Variants in HSD17B12 observed in about 807,000 individuals in gnomAD.
HSD17B12 encodes hydroxysteroid 17-beta dehydrogenase 12, also known as very-long-chain 3-oxoacyl-CoA reductase.
HSD17B12 carries 32 observed loss-of-function variants against 39.3 expected under a neutral mutation model. The ratio of observed to expected loss-of-function variants is 0.81; its 90% confidence interval spans 0.61 to 1.09. HSD17B12 has a LOEUF of 1.09. Ranked by LOEUF, HSD17B12 falls within the 50% of genes least tolerant of loss-of-function variation. HSD17B12 has a pLI of 0.00. For synonymous variants in HSD17B12, 150 were observed against 146.7 expected, an observed-to-expected ratio of 1.02 and a Z score of -0.16; for missense variants, 342 against 382.9, an observed-to-expected ratio of 0.89 and a Z score of 0.89.
Position 43,753,970 on chromosome 11 carries a change from A to G in HSD17B12, c.208-76A>G, listed in dbSNP as rs150708570. The G allele has an allele frequency of 1.6e-4, 135 of 863,092 alleles. 1 individual carries two copies. In the East Asian group the frequency reaches 3.5e-3, roughly 22 times the overall value. 53.5% of individuals were successfully genotyped at this position (863,092 alleles called of 1,614,324 possible). A position where few individuals can be genotyped will look rare whatever the true frequency, so the allele number is the denominator to read the frequency against. The stretch of plus-strand genomic sequence containing the variant: ...AACTATCATCTGGACAGGTTTTCTT[A>G]AAATGGGGGTTATAGCTCATTAATG... On this transcript the variant is annotated intron_variant, in intron 2 of 10. Transcript: ENST00000278353.
At chr11:43,714,504 T>C (rs1421139816) in intron 1 of HSD17B12, among the ~76,000 whole-genome samples, 3 of 152,164 alleles carry the variant, frequency 2.0e-5, no homozygotes, top group East Asian at 1.9e-4. Context: ...GGTACCAGTA[T>C]CATGCTGTTT....
chr11:43,725,252 A>T (rs1478046221), intron 1 of HSD17B12, among the ~76,000 whole-genome samples: 1 of 152,216 alleles, frequency 6.6e-6, no homozygotes. Context: ...TCTGAGCCTC[A>T]GTTTCTTCAT....
chr11:43,714,301 T>A (rs1238141724), intron 1 of HSD17B12, among the ~76,000 whole-genome samples: 1 of 152,226 alleles, frequency 6.6e-6, no homozygotes, highest in Non-Finnish European at 1.5e-5. Flanking sequence ...AATTTTTGTA[T>A]AAGATGTAAG....
intron 3 of HSD17B12, among the ~76,000 whole-genome samples, chr11:43,768,861 C>T (rs1416048427): frequency 2.7e-5 from 4 of 150,648 alleles, no homozygotes; most frequent in African/African-American, 4.8e-5. Context: ...GCTGATTGGT[C>T]CATTTTAAAG....
rs754298176 is a variant in HSD17B12, at chr11:43,680,959, G to C, written c.132G>C (p.Gly44=). 1.2e-6 allele frequency: 2 copies of C among 1,608,442 alleles called. No individual in the cohort carries two copies. Among genetic ancestry groups the C allele is most frequent in the Admixed American group, 3.4e-5 (2 of 59,626 alleles). ...LRVWGVGNEA[G]VGPGLGEWAV... ...TCTGGGGAGTGGGGAATGAGGCGGG[G>C]GTCGGCCCGGGGCTCGGAGAATGGG... Residue 44 remains glycine (G), a synonymous_variant, in exon 1 of 11, where the codon GGG becomes GGC. Transcript: ENST00000278353.
chr11:43,742,258 T>A (rs1950374706), intron 1 of HSD17B12, among the ~76,000 whole-genome samples: 1 of 151,514 alleles, frequency 6.6e-6, no homozygotes, highest in African/African-American at 2.4e-5. Flanking sequence ...CTGCCTCAGC[T>A]TCCCGAGTAG....
At chr11:43,637,815 T>C in the HSD17B12 span, among the ~76,000 whole-genome samples, 6 of 152,226 alleles carry the variant, frequency 3.9e-5, no homozygotes, top group Admixed American at 3.3e-4. Context: ...TTTAAAGCTA[T>C]GAAATTTCAA....
intron 6 of HSD17B12, among the ~76,000 whole-genome samples, chr11:43,821,537 G>T (rs1038532561): frequency 2.0e-5 from 3 of 152,110 alleles, no homozygotes; most frequent in African/African-American, 7.2e-5. Flanking sequence ...AGAGACAATT[G>T]AACCTCAAGA....
chr11:43,755,123 A>G (rs1293186680), intron 3 of HSD17B12: 3 of 351,052 alleles, frequency 8.5e-6, no homozygotes, highest in African/African-American at 6.3e-5. Flanking sequence ...TGTTGGGTAT[A>G]TTTTTTATTA....
the HSD17B12 span, among the ~76,000 whole-genome samples, chr11:43,619,174 TATATATAAAATATATATATATATG>T: frequency 6.3e-5 from 5 of 79,230 alleles, no homozygotes; most frequent in African/African-American, 2.2e-4. Flanking sequence ...GATATATATA[TATATATAAAATATATATATATATG>T]ATATATATAT....
chr11:43,641,594 G>A, the HSD17B12 span, among the ~76,000 whole-genome samples: 2 of 151,956 alleles, frequency 1.3e-5, no homozygotes, highest in Admixed American at 1.3e-4. Flanking sequence ...TGTAGGGTCA[G>A]AATGTAAATA....
chr11:43,825,563 A>C (rs1257098984), intron 6 of HSD17B12, among the ~76,000 whole-genome samples: 1 of 152,224 alleles, frequency 6.6e-6, no homozygotes, highest in African/African-American at 2.4e-5. Context: ...TAGGAATATG[A>C]TAAATTATGG....
intron 4 of HSD17B12, among the ~76,000 whole-genome samples, chr11:43,800,395 G>T (rs1276586811): frequency 6.6e-6 from 1 of 152,206 alleles, no homozygotes; most frequent in African/African-American, 2.4e-5. Context: ...CATCACAGTT[G>T]TGTTTAGTTT....
chr11:43,669,492 C>T, the HSD17B12 span, among the ~76,000 whole-genome samples: 1 of 145,134 alleles, frequency 6.9e-6, no homozygotes, highest in Non-Finnish European at 1.5e-5. Flanking sequence ...CAAAGTTAGA[C>T]TCTGTTTCAA....
At chr11:43,735,230 C>T (rs1950306091) in intron 1 of HSD17B12, among the ~76,000 whole-genome samples, 1 of 152,148 alleles carries the variant, frequency 6.6e-6, no homozygotes, top group Admixed American at 6.5e-5. Flanking sequence ...CTGTTAGGAA[C>T]ATTCATATAC....
intron 3 of HSD17B12, among the ~76,000 whole-genome samples, chr11:43,770,994 G>A (rs1950643546): frequency 1.3e-5 from 2 of 152,170 alleles, no homozygotes; most frequent in South Asian, 2.1e-4. Flanking sequence ...CTAAAACAAT[G>A]TAAACTTCGG....
chr11:43,813,724 G>T (rs1200961093), intron 4 of HSD17B12, among the ~76,000 whole-genome samples: 5 of 152,202 alleles, frequency 3.3e-5, no homozygotes, highest in Non-Finnish European at 7.4e-5. Flanking sequence ...CTCTTGGGAT[G>T]CCTGGTGGGT....
chr11:43,734,777 C>G (rs1423003175), intron 1 of HSD17B12, among the ~76,000 whole-genome samples: 1 of 152,360 alleles, frequency 6.6e-6, no homozygotes, highest in African/African-American at 2.4e-5. Context: ...GTAAAATTCT[C>G]ATTACATAAA....
Position 43,680,968 on chromosome 11 carries a change from G to A in HSD17B12, c.141G>A (p.Pro47=), listed in dbSNP as rs1171843794. The A allele has an allele frequency of 5.6e-6, 9 of 1,605,604 alleles. No homozygotes were observed. Among genetic ancestry groups the A allele is most frequent in the South Asian group, 2.2e-5 (2 of 90,696 alleles). ...TGGGGAATGAGGCGGGGGTCGGCCC[G>A]GGGCTCGGAGAATGGGCAGGTGAGT... ...WGVGNEAGVG[P]GLGEWAVVTG... The change falls in exon 1 of 11, where the codon CCG becomes CCA. Residue 47 remains proline (P), a synonymous_variant. Transcript: ENST00000278353.
Sources: allele counts gnomAD v4.1 joint callset (sites outside exome capture counted in the v4.1 genomes callset), GRCh38; gene constraint gnomAD v4.1.1; transcripts MANE v1.5; gene names NCBI Gene and HGNC (gene_info 2026-07-23, HGNC 2026-07-21).